The following DOCK3 variants were observed in gnomAD, a reference collection of about 807,000 sequenced individuals.
The protein encoded by DOCK3 is dedicator of cytokinesis 3.
Under a neutral mutation model 265.6 loss-of-function variants are expected in DOCK3, and 60 were observed. That is an observed-to-expected ratio of 0.23 (90% CI 0.18 to 0.28). The LOEUF (loss-of-function observed/expected upper bound fraction) is 0.28. DOCK3 is among the 10% of genes least tolerant of loss of function. DOCK3 has a pLI of 1.00. For synonymous variants in DOCK3, 881 were observed against 938.0 expected, an observed-to-expected ratio of 0.94 and a Z score of 1.11; for missense variants, 1,981 against 2,594.3, an observed-to-expected ratio of 0.76 and a Z score of 5.14.
intron 12 of DOCK3, among the ~76,000 whole-genome samples, chr3:51,175,358 G>A (rs2086886621): frequency 6.6e-6 from 1 of 152,178 alleles, no homozygotes; most frequent in Non-Finnish European, 1.5e-5. Context: ...AGACCACTCA[G>A]ACTGTGGCTA....
chr3:50,811,351 C>A (rs1000085299), intron 2 of DOCK3, among the ~76,000 whole-genome samples: 1 of 151,858 alleles, frequency 6.6e-6, no homozygotes, highest in Admixed American at 6.6e-5. Context: ...CTGCAGTGAG[C>A]TATGATTGTA....
intron 5 of DOCK3, among the ~76,000 whole-genome samples, chr3:51,022,201 A>G (rs982023390): frequency 6.6e-6 from 1 of 152,150 alleles, no homozygotes; most frequent in African/African-American, 2.4e-5. Flanking sequence ...CATTGACTGT[A>G]TATTTAGTGA....
intron 27 of DOCK3, among the ~76,000 whole-genome samples, chr3:51,293,788 T>A (rs1184576565): frequency 6.6e-6 from 1 of 152,144 alleles, no homozygotes; most frequent in East Asian, 1.9e-4. Context: ...ACCCTATTTT[T>A]AAAATTGGCA....
At chr3:50,802,550 T>G (rs540835250) in intron 2 of DOCK3, among the ~76,000 whole-genome samples, 5 of 152,278 alleles carry the variant, frequency 3.3e-5, no homozygotes, top group Admixed American at 3.3e-4. Flanking sequence ...TATTCCTCAT[T>G]GCCATTTTTA....
At chr3:51,032,375 A>G (rs145278886) in intron 5 of DOCK3, among the ~76,000 whole-genome samples, 8 of 152,254 alleles carry the variant, frequency 5.3e-5, no homozygotes, top group South Asian at 2.1e-4. Flanking sequence ...AAACTTTTTT[A>G]TTGAGAAATA....
chr3:51,163,181 T>C (rs6445455), intron 12 of DOCK3, among the ~76,000 whole-genome samples: 138,832 of 152,234 alleles, frequency 0.91, 63,454 homozygotes, highest in African/African-American at 0.96. Flanking sequence ...TTTGCTAGGA[T>C]GGGATTTTAC....
intron 9 of DOCK3, among the ~76,000 whole-genome samples, chr3:51,105,394 A>C (rs2083243034): frequency 6.6e-6 from 1 of 152,220 alleles, no homozygotes; most frequent in Non-Finnish European, 1.5e-5. Flanking sequence ...CTGTTTCAGC[A>C]GTTCTGCTCC....
intron 5 of DOCK3, among the ~76,000 whole-genome samples, chr3:51,057,024 A>G (rs894078996): frequency 3.3e-5 from 5 of 152,212 alleles, no homozygotes; most frequent in African/African-American, 1.2e-4. Flanking sequence ...ATTGGTCCGT[A>G]AGCATATGTA....
chr3:50,949,212 TG>T (rs1482806880), intron 5 of DOCK3, among the ~76,000 whole-genome samples: 11 of 152,134 alleles, frequency 7.2e-5, no homozygotes, highest in African/African-American at 2.7e-4. Flanking sequence ...TATACCACAG[TG>T]AAAGTGGACA....
chr3:51,073,616 TTACTGATCTTC>T (rs1365603199), intron 6 of DOCK3, among the ~76,000 whole-genome samples: 4 of 152,222 alleles, frequency 2.6e-5, no homozygotes, highest in Non-Finnish European at 5.9e-5. Flanking sequence ...CAACAGTTTA[TTACTGATCTTC>T]TCATTATGTA....
At chr3:50,790,234 A>G (rs1470773699) in intron 2 of DOCK3, among the ~76,000 whole-genome samples, 4 of 152,118 alleles carry the variant, frequency 2.6e-5, no homozygotes, top group Non-Finnish European at 5.9e-5. Flanking sequence ...CAACAGATGC[A>G]TGGTTTGTGA....
chr3:51,016,863 T>C lies in DOCK3; in HGVS notation c.316-47585T>C, dbSNP rs552596829. On this transcript the variant is annotated intron_variant, in intron 5 of 52. Transcript: ENST00000266037. Reference sequence around the variant, plus strand: ...TATGTTTATATATATCATATATAAATATATATGATATATGTTTATATATAT... The same window carrying C: ...TATGTTTATATATATCATATATAAACATATATGATATATGTTTATATATAT... Among the ~76,000 whole-genome samples, 76 of 77,688 alleles carry C rather than the reference T, an allele frequency of 9.8e-4. 20 individuals are homozygous for C. Among genetic ancestry groups the C allele is most frequent in the African/African-American group, 4.4e-3 (63 of 14,358 alleles). The allele number at this position is 77,688 out of a possible 152,430, so 51.0% of individuals were successfully genotyped here. A position where few individuals can be genotyped will look rare whatever the true frequency, so the allele number is the denominator to read the frequency against.
chr3:51,043,526 G>A (rs75101020), intron 5 of DOCK3, among the ~76,000 whole-genome samples: 6,980 of 152,068 alleles, frequency 0.046, 582 homozygotes, highest in African/African-American at 0.16. Flanking sequence ...ATAGGCACAG[G>A]CAAAGATTTC....
intron 32 of DOCK3, among the ~76,000 whole-genome samples, chr3:51,328,232 T>A (rs2084279605): frequency 6.6e-6 from 1 of 152,196 alleles, no homozygotes; most frequent in African/African-American, 2.4e-5. Context: ...ACTGTTGTAC[T>A]CTCTGCTGCT....
intron 5 of DOCK3, among the ~76,000 whole-genome samples, chr3:51,054,048 TTAGG>T (rs1475190211): frequency 6.6e-6 from 1 of 150,840 alleles, no homozygotes; most frequent in Non-Finnish European, 1.5e-5. Context: ...CCTTTGTCTC[TTAGG>T]TTAAGTCAGT....
chr3:50,751,032 G>A (rs1408758644), intron 1 of DOCK3, among the ~76,000 whole-genome samples: 1 of 152,002 alleles, frequency 6.6e-6, no homozygotes, highest in Non-Finnish European at 1.5e-5. Context: ...AGATTAATTA[G>A]CAATGCAATA....
At chr3:50,961,533 G>A (rs1190064364) in intron 5 of DOCK3, among the ~76,000 whole-genome samples, 4 of 152,104 alleles carry the variant, frequency 2.6e-5, no homozygotes, top group Middle Eastern at 3.2e-3. Flanking sequence ...TTTAGGCAGA[G>A]GAAGAAGAAA....
chr3:50,814,874 G>T (rs1193584159), intron 2 of DOCK3, among the ~76,000 whole-genome samples: 1 of 151,736 alleles, frequency 6.6e-6, no homozygotes, highest in Non-Finnish European at 1.5e-5. Context: ...CGCCAGGCTG[G>T]AGTGCAGTGG....
At chr3:51,125,896 T>G (rs547406521) in intron 9 of DOCK3, among the ~76,000 whole-genome samples, 2 of 152,330 alleles carry the variant, frequency 1.3e-5, no homozygotes, top group East Asian at 3.9e-4. Flanking sequence ...TCAGGAAGAC[T>G]GTCAATATTA....
Sources: allele counts gnomAD v4.1 joint callset (sites outside exome capture counted in the v4.1 genomes callset), GRCh38; gene constraint gnomAD v4.1.1; transcripts MANE v1.5; gene names NCBI Gene and HGNC (gene_info 2026-07-23, HGNC 2026-07-21).